The following KSR2 variants were observed in gnomAD, a reference collection of about 807,000 sequenced individuals.
KSR2 encodes kinase suppressor of ras 2.
KSR2 carries 25 observed loss-of-function variants against 107.8 expected under a neutral mutation model. That is an observed-to-expected ratio of 0.23 (90% confidence interval 0.17 to 0.32). KSR2 has a LOEUF of 0.32. Among genes scored for constraint, KSR2 ranks in the 10% least tolerant of loss-of-function variants. KSR2 has a pLI of 1.00. For synonymous variants in KSR2, 480 were observed against 507.0 expected (o/e 0.95, Z 0.71); for missense variants, 887 against 1,268.9 (o/e 0.70, Z 4.57).
At chr12:117,902,919 T>C (rs1894732774) in intron 1 of KSR2, among the ~76,000 whole-genome samples, 1 of 152,230 alleles carries the variant, frequency 6.6e-6, no homozygotes, top group Non-Finnish European at 1.5e-5. Flanking sequence ...CTATGAACTG[T>C]GTGACCTTGG....
chr12:117,577,480 G>C (rs78700555), intron 7 of KSR2, among the ~76,000 whole-genome samples: 2,352 of 152,252 alleles, frequency 0.015, 58 homozygotes, highest in African/African-American at 0.053. Flanking sequence ...AATGCTCACT[G>C]CCACCCAAGG....
At chr12:117,699,477 G>A (rs1886211726) in intron 4 of KSR2, among the ~76,000 whole-genome samples, 1 of 152,148 alleles carries the variant, frequency 6.6e-6, no homozygotes, top group South Asian at 2.1e-4. Context: ...ACACACCTGG[G>A]TGATGTAGCC....
chr12:117,825,872 C>T lies in KSR2; in HGVS notation c.472+29556G>A, dbSNP rs531942908. Among the ~76,000 whole-genome samples, 340 of 134,174 alleles carry T rather than the reference C, an allele frequency of 2.5e-3. 1 individual carries two copies. The highest frequency in any genetic ancestry group is 9.0e-3 in the African/African-American group (324 of 35,954). 88.0% of individuals were successfully genotyped at this position (134,174 alleles called of 152,430 possible). A position where few individuals can be genotyped will look rare whatever the true frequency, so the allele number is the denominator to read the frequency against. On this transcript the variant is annotated intron_variant, in intron 3 of 19. Transcript: ENST00000339824. ...ATAAATGGGTGGGTGGGTTGATGGA[C>T]GGACAGATGCATGCATGCATGCATA...
intron 4 of KSR2, among the ~76,000 whole-genome samples, chr12:117,720,680 G>A (rs1022487313): frequency 1.3e-5 from 2 of 152,270 alleles, no homozygotes; most frequent in Non-Finnish European, 2.9e-5. Context: ...ACAGATGAAC[G>A]TCTAATCATA....
chr12:117,713,318 G>C (rs1355526216), intron 4 of KSR2, among the ~76,000 whole-genome samples: 5 of 151,896 alleles, frequency 3.3e-5, no homozygotes, highest in Admixed American at 3.3e-4. Flanking sequence ...ATAGATAATA[G>C]ATACAGATAT....
chr12:117,837,459 C>G (rs966259467), intron 3 of KSR2, among the ~76,000 whole-genome samples: 1 of 152,162 alleles, frequency 6.6e-6, no homozygotes, highest in Admixed American at 6.5e-5. Context: ...AGAGGTGGCC[C>G]TGGTCGTATG....
At position 117,524,970 on chromosome 12, in the gene KSR2, C is replaced by T. The variant is rs1390389754; in HGVS notation, c.2101G>A (p.Glu701Lys). ...IRLIDIERDN[E>K]DQLKAFKREV... ...CGCTTGAAGGCCTTGAGCTGGTCCT[C>T]GTTGTCCCTCTCAATGTCAATCAGC... is the stretch of plus-strand genomic sequence containing the variant. The change falls in exon 14 of 20, where the codon GAG (glutamate) becomes AAG (lysine). Residue 701 changes from glutamate (E) to lysine (K), a missense_variant. By Grantham distance (56) the Glu-to-Lys change is moderately conservative. This residue lies in a region of KSR2 where 308 missense variants were observed against 506.2 expected (regional missense o/e 0.61). Coordinates refer to ENST00000339824, the MANE Select transcript of KSR2 (RefSeq NM_173598.6). 6.2e-7 allele frequency: 1 copy of T among 1,613,842 alleles called. No homozygotes were observed. The highest frequency in any genetic ancestry group is 8.5e-7 in the Non-Finnish European group (1 of 1,179,862).
intron 4 of KSR2, among the ~76,000 whole-genome samples, chr12:117,688,729 C>T (rs994440889): frequency 1.4e-4 from 21 of 152,118 alleles, no homozygotes; most frequent in Admixed American, 1.4e-3. Flanking sequence ...AAATGTGCTG[C>T]CAAAGGACAC....
intron 4 of KSR2, among the ~76,000 whole-genome samples, chr12:117,696,759 C>T (rs1886076687): frequency 6.6e-6 from 1 of 152,160 alleles, no homozygotes; most frequent in African/African-American, 2.4e-5. Context: ...CTGTGACTTT[C>T]CCTTGCCAGG....
At chr12:117,873,458 G>A (rs1488693959) in intron 1 of KSR2, among the ~76,000 whole-genome samples, 1 of 125,406 alleles carries the variant, frequency 8.0e-6, no homozygotes, top group African/African-American at 3.4e-5. Context: ...GATGTTCATG[G>A]TGCTTTTTTT....
intron 3 of KSR2, among the ~76,000 whole-genome samples, chr12:117,776,143 GTCCA>G (rs1593225184): frequency 6.6e-6 from 1 of 151,834 alleles, no homozygotes; most frequent in African/African-American, 2.4e-5. Context: ...AAAGTTCCAG[GTCCA>G]TCCATCCATC....
At chr12:117,524,342 G>A (rs11608954) in intron 14 of KSR2, among the ~76,000 whole-genome samples, 1 of 152,172 alleles carries the variant, frequency 6.6e-6, no homozygotes, top group Admixed American at 6.5e-5. Context: ...AGTAGTCTTT[G>A]GTTTTGCTAA....
At chr12:117,686,688 A>C (rs1439897022) in intron 4 of KSR2, among the ~76,000 whole-genome samples, 4 of 152,118 alleles carry the variant, frequency 2.6e-5, no homozygotes, top group Admixed American at 2.6e-4. Flanking sequence ...TAAGCCCGTA[A>C]AGACCCTTCT....
chr12:117,637,679 T>A (rs1010257801), intron 5 of KSR2, among the ~76,000 whole-genome samples: 7 of 82,924 alleles, frequency 8.4e-5, no homozygotes, highest in Non-Finnish European at 1.2e-4. Context: ...TTTTGGGTTT[T>A]TTTTTTTTTT....
intron 16 of KSR2, among the ~76,000 whole-genome samples, chr12:117,482,998 C>T (rs748464818): frequency 3.3e-5 from 5 of 152,312 alleles, no homozygotes; most frequent in East Asian, 3.9e-4. Flanking sequence ...GAGTTCCCTG[C>T]CAGTGAACCA....
rs1896850425 is a variant in KSR2, at chr12:117,968,056, TTC to T, written c.180+18_180+19del. On this transcript the variant is annotated intron_variant, in intron 1 of 19. Coordinates refer to ENST00000339824, the MANE Select transcript of KSR2 (RefSeq NM_173598.6). ...TTTTTTTTTTTTTTTTTTTTTTTTT[TTC>T]CCGTAGGCAACACCTACCTCCAGGG... 2.6e-6 allele frequency: 2 copies of T among 775,298 alleles called. No homozygotes were observed. Among genetic ancestry groups the T allele is most frequent in the Non-Finnish European group, 3.9e-6 (2 of 516,822 alleles). 48.0% of individuals were successfully genotyped at this position (775,298 alleles called of 1,614,324 possible). A position where few individuals can be genotyped will look rare whatever the true frequency, so the allele number is the denominator to read the frequency against.
rs1365251223 is a variant in KSR2, at chr12:117,897,843, C to T, written c.181-37412G>A. Among the ~76,000 whole-genome samples, 1 of 152,072 alleles carries T rather than the reference C, an allele frequency of 6.6e-6. No homozygotes were observed. The highest frequency in any genetic ancestry group is 1.5e-5 in the Non-Finnish European group (1 of 68,018). On this transcript the variant is annotated intron_variant, in intron 1 of 19. Transcript: ENST00000339824. This position sits in a 1 kb window ranked among gnomAD's most constrained non-coding sequence, Gnocchi z 4.5. ...ATATTGTTTTATTTTCCTATGAAAA[C>T]ACCCCCACAGAAGTTTTAGTTGGCT...
At chr12:117,844,492 T>G (rs959563710) in intron 3 of KSR2, among the ~76,000 whole-genome samples, 2 of 151,684 alleles carry the variant, frequency 1.3e-5, no homozygotes, top group African/African-American at 2.4e-5. Flanking sequence ...ATTTTTTTTT[T>G]TTTAACTCAC....
chr12:117,541,383 TCTC>T (rs1353593048), intron 9 of KSR2, among the ~76,000 whole-genome samples: 2 of 152,190 alleles, frequency 1.3e-5, no homozygotes, highest in Non-Finnish European at 2.9e-5. Context: ...GCAGGCATGT[TCTC>T]CTGGAAAGGG....
Sources: allele counts gnomAD v4.1 joint callset (sites outside exome capture counted in the v4.1 genomes callset), GRCh38; gene constraint gnomAD v4.1.1; regional missense constraint gnomAD v4.1.1; non-coding constraint Gnocchi (gnomAD v3.1); transcripts MANE v1.5; gene names NCBI Gene and HGNC (gene_info 2026-07-23, HGNC 2026-07-21).